The following IRAG1 variants were observed in gnomAD, a reference collection of about 807,000 sequenced individuals.
IRAG1 encodes the protein IP3R-associated cGMP kinase substrate.
A neutral mutation model predicts 106.2 loss-of-function variants in IRAG1; 62 were observed. That is an observed-to-expected ratio of 0.58 (90% confidence interval 0.48 to 0.72). The LOEUF is 0.72. Among genes scored for constraint, IRAG1 ranks in the 30% least tolerant of loss-of-function variants. IRAG1 has a pLI of 0.00. For missense variants in IRAG1, 1,064 were observed against 1,140.7 expected (o/e 0.93, Z 0.97); for synonymous variants, 462 against 443.9 (o/e 1.04, Z -0.51).
intron 1 of IRAG1, among the ~76,000 whole-genome samples, chr11:10,673,876 T>C (rs544438331): frequency 1.6e-4 from 24 of 152,052 alleles, no homozygotes; most frequent in African/African-American, 5.3e-4. Flanking sequence ...AAGAGATAGA[T>C]TATGTGTCTA....
intron 10 of IRAG1, among the ~76,000 whole-genome samples, chr11:10,616,850 C>T (rs1855472754): frequency 6.6e-6 from 1 of 152,102 alleles, no homozygotes; most frequent in Admixed American, 6.6e-5. Context: ...GAACATAAGC[C>T]ACTTTCAACA....
At chr11:10,617,097 A>T in intron 10 of IRAG1, 1 of 985,330 alleles carries the variant, frequency 1.0e-6, no homozygotes, top group Non-Finnish European at 1.2e-6. Flanking sequence ...CTGAGTCTAG[A>T]CTGGGGGTTT....
intron 10 of IRAG1, among the ~76,000 whole-genome samples, chr11:10,615,587 G>A (rs983177582): frequency 0.012 from 1,846 of 152,248 alleles, 41 homozygotes; most frequent in African/African-American, 0.043. Context: ...ATACACCATG[G>A]AATACTATGC....
At chr11:10,635,014 A>G (rs1857039649) in intron 2 of IRAG1, among the ~76,000 whole-genome samples, 1 of 152,116 alleles carries the variant, frequency 6.6e-6, no homozygotes, top group South Asian at 2.1e-4. Flanking sequence ...GGGACACTAC[A>G]AGCTATCCCT....
intron 12 of IRAG1, among the ~76,000 whole-genome samples, chr11:10,605,621 C>G (rs1218269637): frequency 2.0e-5 from 3 of 152,206 alleles, no homozygotes; most frequent in Admixed American, 6.5e-5. Flanking sequence ...CAGGATTTAA[C>G]CTCAGACTGT....
In IRAG1 at chr11:10,642,257, C is replaced by G. The variant is rs151086307; in HGVS notation, c.226-8186G>C. ...ATAAGCCAGCAGGCCACATTTTGTTCTCCTTAAATAAATCTTATAGAAACA... is the reference window on the plus strand; with the variant it reads ...ATAAGCCAGCAGGCCACATTTTGTTGTCCTTAAATAAATCTTATAGAAACA... On this transcript the variant is annotated intron_variant, in intron 2 of 20. Transcript: ENST00000423302. Among the ~76,000 whole-genome samples the G allele has an allele frequency of 2.8e-4, 43 of 152,354 alleles. No individual in the cohort carries two copies. The East Asian group carries it at 8.1e-3, about 29-fold the overall frequency.
chr11:10,627,849 G>A, intron 7 of IRAG1, 89 bp from the exon 8 acceptor site: 2 of 1,589,066 alleles, frequency 1.3e-6, no homozygotes, highest in Non-Finnish European at 1.7e-6. Context: ...CCCTAGCAGT[G>A]GTGTTCATGC....
At chr11:10,639,442 C>T (rs374123951) in intron 2 of IRAG1, among the ~76,000 whole-genome samples, 3 of 152,136 alleles carry the variant, frequency 2.0e-5, no homozygotes, top group Admixed American at 6.5e-5. Context: ...CTAATGAAGC[C>T]GTGATCCACG....
chr11:10,574,178 G>T lies in IRAG1; in HGVS notation c.*2154C>A, dbSNP rs533915902. Reference sequence around the variant, plus strand: ...AGCTTGGCAATGGTGTTGCTAGTCTGGTCTCATTCCTGCTCTCTCACAGAG... The same window carrying T: ...AGCTTGGCAATGGTGTTGCTAGTCTTGTCTCATTCCTGCTCTCTCACAGAG... On this transcript the variant is annotated 3_prime_UTR_variant, in exon 21 of 21. Transcript: ENST00000423302. The T allele has an allele frequency of 6.6e-6, 1 of 152,324 alleles. No individual in the cohort carries two copies. The highest frequency in any genetic ancestry group is 2.1e-4 in the South Asian group (1 of 4,822). The allele number at this position is 152,324 out of a possible 1,614,324, so 9.4% of individuals were successfully genotyped here.
intron 2 of IRAG1, among the ~76,000 whole-genome samples, chr11:10,640,819 C>T (rs1857457986): frequency 6.6e-6 from 1 of 152,178 alleles, no homozygotes; most frequent in Admixed American, 6.5e-5. Flanking sequence ...TTATGGTATA[C>T]TTTTTAGCTG....
At chr11:10,673,021 A>G (rs969004668) in intron 1 of IRAG1, among the ~76,000 whole-genome samples, 7 of 152,158 alleles carry the variant, frequency 4.6e-5, no homozygotes, top group African/African-American at 1.4e-4. Context: ...GGTGGCTCAC[A>G]CTTGTAATCC....
intron 2 of IRAG1, among the ~76,000 whole-genome samples, chr11:10,646,707 G>C (rs910394896): frequency 6.6e-6 from 1 of 152,176 alleles, no homozygotes; most frequent in African/African-American, 2.4e-5. Context: ...AAGAGCTACT[G>C]CGTAACAGGG....
intron 18 of IRAG1, among the ~76,000 whole-genome samples, chr11:10,584,262 G>A (rs1851693190): frequency 6.6e-6 from 1 of 152,086 alleles, no homozygotes; most frequent in Non-Finnish European, 1.5e-5. Flanking sequence ...AGTGAGCCTT[G>A]TATCTTCTCC....
chr11:10,655,265 G>A (rs1204350261), intron 1 of IRAG1, among the ~76,000 whole-genome samples: 1 of 152,192 alleles, frequency 6.6e-6, no homozygotes, highest in South Asian at 2.1e-4. Context: ...TGCTCTGCCT[G>A]TTAAGAAGGA....
At chr11:10,615,150 A>C (rs1034016142) in intron 10 of IRAG1, among the ~76,000 whole-genome samples, 1 of 152,272 alleles carries the variant, frequency 6.6e-6, no homozygotes, top group Non-Finnish European at 1.5e-5. Context: ...TCAAAAGAAG[A>C]CATTTATGCA....
At chr11:10,636,129 CT>C (rs1243130043) in intron 2 of IRAG1, among the ~76,000 whole-genome samples, 1 of 152,190 alleles carries the variant, frequency 6.6e-6, no homozygotes, top group African/African-American at 2.4e-5. Flanking sequence ...ATTATAAAGT[CT>C]AACTCACAAG....
intron 18 of IRAG1, 29 bp downstream of exon 18, chr11:10,591,519 G>A: frequency 6.4e-7 from 1 of 1,567,902 alleles, no homozygotes; most frequent in African/African-American, 1.3e-5. Flanking sequence ...AGAGATCCCT[G>A]AAGCCAAGAG....
intron 1 of IRAG1, among the ~76,000 whole-genome samples, chr11:10,675,349 G>T (rs1274487118): frequency 6.6e-6 from 1 of 152,168 alleles, no homozygotes; most frequent in African/African-American, 2.4e-5. Flanking sequence ...CCCCTCTCCT[G>T]TGTGTCACGT....
chr11:10,617,751 T>C (rs1434509760), intron 10 of IRAG1, among the ~76,000 whole-genome samples: 1 of 152,154 alleles, frequency 6.6e-6, no homozygotes, highest in Non-Finnish European at 1.5e-5. Context: ...CCTGGTGGTA[T>C]TCCTGGTCTG....
Sources: gnomAD v4.1 joint callset for allele counts (sites outside exome capture counted in the v4.1 genomes callset) on GRCh38, gnomAD v4.1.1 for gene constraint, MANE v1.5 for transcripts, NCBI Gene and HGNC (gene_info 2026-07-23, HGNC 2026-07-21) for gene names.